CDC42BPA: variants seen among roughly 807,000 people sequenced by gnomAD.
CDC42BPA encodes the protein CDC42 binding protein kinase alpha.
CDC42BPA carries 80 observed loss-of-function variants against 223.5 expected under a neutral mutation model. The observed-to-expected ratio is 0.36, with a 90% CI of 0.30 to 0.43. The LOEUF (loss-of-function observed/expected upper bound fraction) is 0.43, where lower values mean the gene tolerates loss of function less well. Ranked by LOEUF, CDC42BPA falls within the 20% of genes least tolerant of loss-of-function variation. The pLI, the probability that CDC42BPA is intolerant of heterozygous loss-of-function variation, is 1.00. For missense variants in CDC42BPA, 1,743 were observed against 2,099.9 expected (o/e 0.83, Z 3.32); for synonymous variants, 694 against 718.6 (o/e 0.97, Z 0.55).
chr1:227,041,347 T>C (rs773459390), intron 23 of CDC42BPA, among the ~76,000 whole-genome samples: 12 of 152,192 alleles, frequency 7.9e-5, no homozygotes, highest in Admixed American at 1.3e-4. Flanking sequence ...GCCATCTTTA[T>C]GTCCATGGGT....
intron 1 of CDC42BPA, chr1:227,264,932 T>C (rs769159337): frequency 8.5e-7 from 1 of 1,171,430 alleles, no homozygotes; most frequent in Non-Finnish European, 1.3e-6. Flanking sequence ...CCACTCGGTA[T>C]ATTCATGGAT....
intron 1 of CDC42BPA, among the ~76,000 whole-genome samples, chr1:227,282,970 A>G (rs1242146338): frequency 1.3e-5 from 2 of 151,986 alleles, no homozygotes; most frequent in African/African-American, 4.8e-5. Context: ...TATACACTTA[A>G]AAAAGATTTA....
intron 15 of CDC42BPA, among the ~76,000 whole-genome samples, chr1:227,096,363 T>C (rs1684001051): frequency 6.6e-6 from 1 of 152,232 alleles, no homozygotes; most frequent in Non-Finnish European, 1.5e-5. Flanking sequence ...GTCTCTTCCA[T>C]ATTAAAAATA....
chr1:227,053,169 C>T (rs908669516), intron 21 of CDC42BPA, among the ~76,000 whole-genome samples: 3 of 152,186 alleles, frequency 2.0e-5, no homozygotes, highest in African/African-American at 7.2e-5. Context: ...AGAATACTAT[C>T]AGCAATGTAT....
At chr1:227,194,115 T>C (rs766079371) in intron 4 of CDC42BPA, among the ~76,000 whole-genome samples, 181 bp from the exon 5 acceptor site, 70 of 152,162 alleles carry the variant, frequency 4.6e-4, no homozygotes, top group Admixed American at 3.1e-3. Context: ...CTAAATTTCA[T>C]ACAGCAGTAA....
chr1:227,153,820 T>C (rs1177451895), intron 6 of CDC42BPA, among the ~76,000 whole-genome samples: 1 of 151,962 alleles, frequency 6.6e-6, no homozygotes, highest in Non-Finnish European at 1.5e-5. Context: ...AAGTAAATTC[T>C]ACCAATGACA....
intron 23 of CDC42BPA, among the ~76,000 whole-genome samples, chr1:227,047,680 G>A (rs1272469187): frequency 6.6e-6 from 1 of 152,114 alleles, no homozygotes; most frequent in East Asian, 1.9e-4. Flanking sequence ...GGCATATACT[G>A]CTTAGAGGAA....
chr1:227,162,868 A>ATATGTGTGTGTG (rs1553371209), intron 5 of CDC42BPA, among the ~76,000 whole-genome samples: 37 of 149,466 alleles, frequency 2.5e-4, no homozygotes, highest in African/African-American at 8.7e-4. Flanking sequence ...ATAAATATAT[A>ATATGTGTGTGTG]TGTGTGTGTG....
chr1:227,297,672 A>G (rs1378226300), intron 1 of CDC42BPA, among the ~76,000 whole-genome samples: 1 of 152,150 alleles, frequency 6.6e-6, no homozygotes, highest in Non-Finnish European at 1.5e-5. Flanking sequence ...TGCTAAATGA[A>G]ATATGCCAGA....
At chr1:227,015,859 A>G (rs1306122526) in intron 34 of CDC42BPA, among the ~76,000 whole-genome samples, 1 of 152,216 alleles carries the variant, frequency 6.6e-6, no homozygotes, top group Non-Finnish European at 1.5e-5. Flanking sequence ...ATATGGAACT[A>G]AGTAAGAACC....
At chr1:227,228,252 G>A (rs1677204102) in intron 2 of CDC42BPA, among the ~76,000 whole-genome samples, 1 of 152,220 alleles carries the variant, frequency 6.6e-6, no homozygotes, top group South Asian at 2.1e-4. Flanking sequence ...CAAACCTACA[G>A]ATATTTCATA....
rs571003084 is a variant in CDC42BPA at position 227,084,210 on chromosome 1, G to C, written c.2356-3193C>G. Among the ~76,000 whole-genome samples, 111 of 152,124 alleles carry C rather than the reference G, an allele frequency of 7.3e-4. 1 individual carries two copies. The highest frequency in any genetic ancestry group is 5.0e-4 in the Non-Finnish European group (34 of 68,004). ...AGCTAATCTGTCACAGAAGCAAAAAGTTCTTGCTTTAAGTTTTTAGAAAAT... is the reference window on the plus strand; with the variant it reads ...AGCTAATCTGTCACAGAAGCAAAAACTTCTTGCTTTAAGTTTTTAGAAAAT... On this transcript the variant is annotated intron_variant, in intron 16 of 36. Transcript: ENST00000366766.
At chr1:227,162,866 A>ATGTGTG (rs71574598) in intron 5 of CDC42BPA, among the ~76,000 whole-genome samples, 1,709 of 127,246 alleles carry the variant, frequency 0.013, 35 homozygotes, top group African/African-American at 0.045. Flanking sequence ...AAATAAATAT[A>ATGTGTG]TATGTGTGTG....
At chr1:227,266,932 G>A (rs1034580323) in intron 1 of CDC42BPA, among the ~76,000 whole-genome samples, 3 of 152,124 alleles carry the variant, frequency 2.0e-5, no homozygotes, top group Non-Finnish European at 2.9e-5. Flanking sequence ...AATAAATGAA[G>A]GAACTGGGAT....
At chr1:227,239,531 G>A (rs544725243) in intron 2 of CDC42BPA, among the ~76,000 whole-genome samples, 89 of 152,086 alleles carry the variant, frequency 5.9e-4, no homozygotes, top group Non-Finnish European at 1.0e-3. Flanking sequence ...GGAGGTATAC[G>A]GGAACTCTGT....
At chr1:227,303,926 T>G (rs1171929471) in intron 1 of CDC42BPA, among the ~76,000 whole-genome samples, 1 of 152,206 alleles carries the variant, frequency 6.6e-6, no homozygotes, top group African/African-American at 2.4e-5. Context: ...ATGGACATTG[T>G]GCAAATAAAG....
chr1:227,296,143 G>A (rs1410999428), intron 1 of CDC42BPA, among the ~76,000 whole-genome samples: 1 of 152,136 alleles, frequency 6.6e-6, no homozygotes, highest in Non-Finnish European at 1.5e-5. Context: ...CAGGCTGTAT[G>A]GTACTGGCAG....
At chr1:227,082,380 T>A (rs148741555) in intron 16 of CDC42BPA, among the ~76,000 whole-genome samples, 3 of 151,916 alleles carry the variant, frequency 2.0e-5, no homozygotes, top group Admixed American at 6.6e-5. Flanking sequence ...TATTTATAGG[T>A]TCCCCTGCAA....
At chr1:227,269,568 A>G (rs796619603) in intron 1 of CDC42BPA, among the ~76,000 whole-genome samples, 4 of 152,312 alleles carry the variant, frequency 2.6e-5, no homozygotes, top group African/African-American at 7.2e-5. Context: ...TAACACGAAC[A>G]AAGTTTAAGA....
Sources: allele counts gnomAD v4.1 joint callset (sites outside exome capture counted in the v4.1 genomes callset), GRCh38; gene constraint gnomAD v4.1.1; transcripts MANE v1.5; gene names NCBI Gene and HGNC (gene_info 2026-07-23, HGNC 2026-07-21).